Variants in SLC17A1 observed in about 807,000 individuals in gnomAD.
SLC17A1 encodes solute carrier family 17 member 1, also known as sodium-dependent phosphate transport protein 1.
Under a neutral mutation model 53.5 loss-of-function variants are expected in SLC17A1, and 51 were observed. The observed-to-expected ratio is 0.95, with a 90% CI of 0.76 to 1.20. The LOEUF is 1.20. Among genes scored for constraint, SLC17A1 ranks in the 50% most tolerant of loss-of-function variants. SLC17A1 has a pLI of 0.00. For synonymous variants in SLC17A1, 179 were observed against 198.8 expected (o/e 0.90, Z 0.84); for missense variants, 538 against 568.2 (o/e 0.95, Z 0.54).
chr6:25,822,581 T>A (rs1179848308), intron 3 of SLC17A1, among the ~76,000 whole-genome samples: 3 of 152,122 alleles, frequency 2.0e-5, no homozygotes, highest in Non-Finnish European at 4.4e-5. Context: ...GCAAAAGGTT[T>A]CATGGGGTGG....
chr6:25,770,370 A>AT, the SLC17A1 span: 21 of 1,614,000 alleles, frequency 1.3e-5, no homozygotes, highest in Non-Finnish European at 1.8e-5. Context: ...CAAGAATGGA[A>AT]TTTTTCCCCC....
chr6:25,749,082 G>A, the SLC17A1 span, among the ~76,000 whole-genome samples: 3 of 152,164 alleles, frequency 2.0e-5, no homozygotes, highest in Admixed American at 2.0e-4. Flanking sequence ...CAGGCTGGGG[G>A]ACGGTGAGGT....
chr6:25,794,189 C>A (rs1763558394), intron 12 of SLC17A1, among the ~76,000 whole-genome samples: 1 of 152,150 alleles, frequency 6.6e-6, no homozygotes, highest in African/African-American at 2.4e-5. Context: ...TGGGAGGGAA[C>A]TTTCTCTATA....
the SLC17A1 span, chr6:25,776,877 A>G: frequency 2.5e-6 from 4 of 1,613,922 alleles, no homozygotes; most frequent in South Asian, 1.1e-5. Flanking sequence ...CAGCATGACC[A>G]TGACCTTCTT....
At chr6:25,785,832 T>C (rs1486524070) in intron 12 of SLC17A1, among the ~76,000 whole-genome samples, 1 of 151,998 alleles carries the variant, frequency 6.6e-6, no homozygotes, top group Non-Finnish European at 1.5e-5. Flanking sequence ...ACATAACAAG[T>C]GTTGATGAGG....
the SLC17A1 span, chr6:25,777,890 A>G: frequency 6.5e-7 from 1 of 1,549,034 alleles, no homozygotes; most frequent in African/African-American, 1.4e-5. Context: ...ACGTAGGTAT[A>G]CTTGGTTATA....
At chr6:25,736,787 G>T in the SLC17A1 span, among the ~76,000 whole-genome samples, 1 of 152,136 alleles carries the variant, frequency 6.6e-6, no homozygotes, top group South Asian at 2.1e-4. Flanking sequence ...TTTCTACACA[G>T]TAAAAATAAA....
At chr6:25,725,725 C>G in the SLC17A1 span, among the ~76,000 whole-genome samples, 1 of 152,104 alleles carries the variant, frequency 6.6e-6, no homozygotes, top group African/African-American at 2.4e-5. Context: ...CGCAGCCTCC[C>G]GAACAGCTGG....
the SLC17A1 span, among the ~76,000 whole-genome samples, chr6:25,764,003 CT>C: frequency 6.6e-6 from 1 of 152,220 alleles, no homozygotes; most frequent in African/African-American, 2.4e-5. Context: ...AGGTTGGTTA[CT>C]TTCAGAAAAT....
At chr6:25,827,802 G>A (rs1272686682) in intron 2 of SLC17A1, among the ~76,000 whole-genome samples, 1 of 152,156 alleles carries the variant, frequency 6.6e-6, no homozygotes, top group African/African-American at 2.4e-5. Context: ...CAGGGGCTGG[G>A]AATCTTGAGA....
chr6:25,801,953 T>C (rs1415084450), intron 10 of SLC17A1, among the ~76,000 whole-genome samples: 1 of 152,174 alleles, frequency 6.6e-6, no homozygotes. Context: ...TTTATGGTTA[T>C]GAACATCCAC....
At chr6:25,804,773 A>G (rs1323698911) in intron 10 of SLC17A1, among the ~76,000 whole-genome samples, 3 of 152,090 alleles carry the variant, frequency 2.0e-5, no homozygotes, top group Non-Finnish European at 4.4e-5. Context: ...CCACAACAGT[A>G]AAAAAAGACA....
At chr6:25,813,447 C>T (rs1428546155) in intron 6 of SLC17A1, among the ~76,000 whole-genome samples, 3 of 152,212 alleles carry the variant, frequency 2.0e-5, no homozygotes, top group Non-Finnish European at 4.4e-5. Flanking sequence ...GCTCCCTCCA[C>T]TCCTGACAGC....
At chr6:25,801,786 C>T (rs1763770018) in intron 10 of SLC17A1, among the ~76,000 whole-genome samples, 1 of 152,106 alleles carries the variant, frequency 6.6e-6, no homozygotes, top group South Asian at 2.1e-4. Flanking sequence ...GGAGGAGGTG[C>T]CTGTTTTGTT....
the SLC17A1 span, chr6:25,776,454 C>T: frequency 7.2e-6 from 7 of 975,950 alleles, no homozygotes; most frequent in East Asian, 4.9e-5. Context: ...TATATTGGCT[C>T]ATTATAGTAA....
the SLC17A1 span, chr6:25,777,599 AC>A: frequency 7.8e-3 from 1,626 of 209,438 alleles, 27 homozygotes; most frequent in African/African-American, 0.034. Context: ...AACAACAACA[AC>A]AACAACAAAA....
chr6:25,827,200 A>G (rs1764781392), intron 2 of SLC17A1, among the ~76,000 whole-genome samples: 1 of 152,174 alleles, frequency 6.6e-6, no homozygotes, highest in Non-Finnish European at 1.5e-5. Context: ...AAATGTACTA[A>G]TGCAATCCAT....
chr6:25,823,092 A>G (rs1484049183), intron 3 of SLC17A1, among the ~76,000 whole-genome samples: 1 of 152,006 alleles, frequency 6.6e-6, no homozygotes, highest in Non-Finnish European at 1.5e-5. Context: ...CACTTGGCAT[A>G]ATTATCTTCA....
At chr6:25,726,770 C>G in the SLC17A1 span, 1 of 1,185,926 alleles carries the variant, frequency 8.4e-7, no homozygotes, top group Non-Finnish European at 1.2e-6. Flanking sequence ...TTTCATCCTC[C>G]AGTTCTGTTT....
Sources: allele counts gnomAD v4.1 joint callset (sites outside exome capture counted in the v4.1 genomes callset), GRCh38; gene constraint gnomAD v4.1.1; transcripts MANE v1.5; gene names NCBI Gene and HGNC (gene_info 2026-07-23, HGNC 2026-07-21).